The following KCP variants were observed in gnomAD, a reference collection of about 807,000 sequenced individuals.
KCP encodes the protein kielin cysteine rich BMP regulator, also known as kielin/chordin-like protein.
KCP carries 194 observed loss-of-function variants against 212.7 expected under a neutral mutation model. That is an observed-to-expected ratio of 0.91 (90% CI 0.81 to 1.03). KCP has a LOEUF of 1.03. Among genes scored for constraint, KCP ranks in the 50% least tolerant of loss-of-function variants. The pLI is 0.00. For synonymous variants in KCP, 833 were observed against 865.3 expected, an observed-to-expected ratio of 0.96 and a Z score of 0.65; for missense variants, 2,080 against 2,162.5, an observed-to-expected ratio of 0.96 and a Z score of 0.76.
intron 1 of KCP, 144 bp from the exon 2 acceptor site, chr7:128,908,712 C>T: frequency 1.1e-6 from 1 of 900,982 alleles, no homozygotes. Flanking sequence ...CCATCCAGGG[C>T]CGGGAAGCCA....
intron 29 of KCP, 52 bp downstream of exon 29, chr7:128,883,950 G>C: frequency 6.6e-7 from 1 of 1,514,820 alleles, no homozygotes; most frequent in South Asian, 1.3e-5. Context: ...GGGCGGCAGG[G>C]GGTGGCAGCC....
intron 10 of KCP, 33 bp downstream of exon 10, chr7:128,893,943 G>C: frequency 6.5e-7 from 1 of 1,549,456 alleles, no homozygotes. Context: ...AGGCCCCGGA[G>C]CCAGGCCCTC....
chr7:128,885,637 CT>C (rs145340005), intron 26 of KCP, among the ~76,000 whole-genome samples: 28,674 of 152,228 alleles, frequency 0.19, 3,539 homozygotes, highest in Non-Finnish European at 0.27. Context: ...GTAACTCAGT[CT>C]CTCCGGGCCT....
chr7:128,890,870 G>A lies in KCP; in HGVS notation c.2164+35C>T, dbSNP rs776639560. On this transcript the variant is annotated intron_variant, in intron 20 of 39. Coordinates refer to ENST00000610776, the MANE Select transcript of KCP (RefSeq NM_001366122.1). ...CCGGGGCGGGGCGGGGCGGCAGGAC[G>A]CGGGTGGCCGGGAGGGGCACCGCCA... The A allele has an allele frequency of 1.1e-4, 136 of 1,240,252 alleles. No individual in the cohort carries two copies. In the Admixed American group the frequency reaches 2.1e-3, roughly 19 times the overall value. The allele number at this position is 1,240,252 out of a possible 1,614,324, so 76.8% of individuals were successfully genotyped here.
In KCP at chr7:128,894,065, A is replaced by AG. The variant is rs897666094; in HGVS notation, c.926-11dup. On this transcript the variant is annotated splice_polypyrimidine_tract_variant and intron_variant, in intron 9 of 39. Coordinates refer to ENST00000610776, the MANE Select transcript of KCP (RefSeq NM_001366122.1). ...CCGTTTAGGAAACAGCCTGTTGGGA[A>AG]GGGGGGCCTTAGATGTTCCTCAGGG... 18 of 1,548,338 alleles carry AG rather than the reference A, an allele frequency of 1.2e-5. No homozygotes were observed. Among genetic ancestry groups the AG allele is most frequent in the African/African-American group, 9.6e-5 (7 of 72,996 alleles).
Position 128,880,013 on chromosome 7 carries a change from A to G in KCP, c.3832T>C (p.Phe1278Leu). The G allele has an allele frequency of 1.9e-6, 3 of 1,550,074 alleles. No individual in the cohort carries two copies. The highest frequency in any genetic ancestry group is 1.7e-6 in the Non-Finnish European group (2 of 1,146,896). Residue 1278 changes from phenylalanine (F) to leucine (L), a missense_variant, in exon 35 of 40, where the codon TTC (phenylalanine) becomes CTC (leucine). Transcript: ENST00000610776. The stretch of plus-strand genomic sequence containing the variant: ...AAGGTGCGGTAATGGGGGTCTCCGA[A>G]GGCCATGCAGGAAGCGGGCCGAGGC... Reference protein sequence around the residue: ...CLPRPASCMAFGDPHYRTFDG... With the variant: ...CLPRPASCMALGDPHYRTFDG...
intron 29 of KCP, 98 bp downstream of exon 29, chr7:128,883,904 A>G: frequency 7.1e-7 from 1 of 1,401,044 alleles, no homozygotes; most frequent in Non-Finnish European, 9.5e-7. Flanking sequence ...AGTCCACTGG[A>G]GTCAGGAAGA....
chr7:128,890,419 C>G lies in KCP; in HGVS notation c.2259G>C (p.Val753=). The G allele has an allele frequency of 6.4e-7, 1 of 1,551,226 alleles. No individual in the cohort carries two copies. The highest frequency in any genetic ancestry group is 2.0e-5 in the Admixed American group (1 of 51,012). The part of the protein sequence containing the change: ...CHLCLCWEGS[V]SCEPKACAPA... ...GGGCACATGCCTTGGGCTCGCAGCT[C>G]ACGCTGCCCTCCCAGCAAAGGCAGA... The change falls in exon 21 of 40, where the codon GTG becomes GTC. Residue 753 remains valine, a synonymous_variant. Coordinates refer to ENST00000610776, the MANE Select transcript of KCP (RefSeq NM_001366122.1).
In KCP at chr7:128,891,211, G is replaced by A. The variant is rs1441361184; in HGVS notation, c.1946C>T (p.Pro649Leu). The A allele has an allele frequency of 1.9e-6, 3 of 1,544,984 alleles. No homozygotes were observed. The highest frequency in any genetic ancestry group is 1.2e-5 in the South Asian group (1 of 84,024). ...TGGGCACTGCGGGCAGCACTCTCCC[G>A]GCAGCAGGACAGGCTCTGGACAGGG... ...PLPCPEPVLL[P>L]GECCPQCPAA... Residue 649 changes from proline (P) to leucine (L), a missense_variant, in exon 19 of 40, where the codon CCG becomes CTG. Coordinates refer to ENST00000610776, the MANE Select transcript of KCP (RefSeq NM_001366122.1).
chr7:128,877,629 G>A lies in KCP; in HGVS notation c.4473C>T (p.Pro1491=). 2 of 1,551,670 alleles carry A rather than the reference G, an allele frequency of 1.3e-6. No individual in the cohort carries two copies. The highest frequency in any genetic ancestry group is 3.3e-4 in the Middle Eastern group (2 of 5,992). ...SRCHAVVPPE[P]FFAACVYDLC... is the part of the protein sequence containing the mutation. ...GGTCATACACACAGGCGGCAAAGAA[G>A]GGCTCCGGTGGCACCACAGCATGGC... Residue 1491 remains proline (P), a synonymous_variant, in exon 39 of 40, where the codon CCC becomes CCT. Coordinates refer to ENST00000610776, the MANE Select transcript of KCP (RefSeq NM_001366122.1).
intron 36 of KCP, 22 bp downstream of exon 36, chr7:128,879,696 T>C: frequency 6.5e-7 from 1 of 1,549,764 alleles, no homozygotes; most frequent in Non-Finnish European, 8.7e-7. Context: ...TCCACCTTCC[T>C]CCACTCCTCG....
At chr7:128,884,669 TG>T in intron 28 of KCP, 111 bp downstream of exon 28, 1 of 969,506 alleles carries the variant, frequency 1.0e-6, no homozygotes, top group South Asian at 1.5e-5. Context: ...TACACTCCTT[TG>T]GCCCCCAGAG....
At chr7:128,904,383 G>T in intron 5 of KCP, 1 of 1,549,482 alleles carries the variant, frequency 6.5e-7, no homozygotes, top group Middle Eastern at 1.7e-4. Flanking sequence ...GCTCCTGTCT[G>T]CAGGGCAGAC....
At chr7:128,908,599 G>T in intron 1 of KCP, 31 bp from the exon 2 acceptor site, 1 of 1,541,014 alleles carries the variant, frequency 6.5e-7, no homozygotes, top group Non-Finnish European at 8.8e-7. Flanking sequence ...ATGTGGGCCT[G>T]AGGGTGAGGG....
chr7:128,899,756 ATC>A lies in KCP; in HGVS notation c.831+3019_831+3020del, dbSNP rs372400050. On this transcript the variant is annotated intron_variant, in intron 8 of 39. Coordinates refer to ENST00000610776, the MANE Select transcript of KCP (RefSeq NM_001366122.1). ...AGCTATTTGCATGAGTGCAATAAGAATCTGTTTTCTTTTGTAACAGGTCACAA... is the reference window on the plus strand; with the variant it reads ...AGCTATTTGCATGAGTGCAATAAGAATGTTTTCTTTTGTAACAGGTCACAA... 4.0e-3 allele frequency among the ~76,000 whole-genome samples: 608 copies of A among 151,978 alleles called. 2 individuals are homozygous for A. The highest frequency in any genetic ancestry group is 0.014 in the African/African-American group (566 of 41,270).
chr7:128,908,609 G>A (rs905986363), intron 1 of KCP, 41 bp from the exon 2 acceptor site: 10 of 1,530,328 alleles, frequency 6.5e-6, no homozygotes, highest in Non-Finnish European at 8.8e-6. Context: ...GAGGGTGAGG[G>A]GCTGGCCTGG....
At position 128,892,502 on chromosome 7, in the gene KCP, G is replaced by C. The variant is rs754343518; in HGVS notation, c.1621+12C>G. On this transcript the variant is annotated intron_variant, in intron 16 of 39. Coordinates refer to ENST00000610776, the MANE Select transcript of KCP (RefSeq NM_001366122.1). ...GCCCTGATCCCCTCAGGCCCAGTGA[G>C]TGCCCACATACCTGGGCACCTGGGG... The C allele has an allele frequency of 6.6e-7, 1 of 1,505,562 alleles. No individual in the cohort carries two copies. Among genetic ancestry groups the C allele is most frequent in the Non-Finnish European group, 8.9e-7 (1 of 1,119,674 alleles). 93.3% of individuals were successfully genotyped at this position (1,505,562 alleles called of 1,614,324 possible).
chr7:128,898,169 C>T (rs1585240326), intron 8 of KCP, among the ~76,000 whole-genome samples: 1 of 152,134 alleles, frequency 6.6e-6, no homozygotes, highest in African/African-American at 2.4e-5. Flanking sequence ...CAGTCTCCTG[C>T]CTCAGCTTCC....
intron 1 of KCP, among the ~76,000 whole-genome samples, chr7:128,910,204 C>T (rs996741019): frequency 1.3e-5 from 2 of 152,246 alleles, no homozygotes; most frequent in Non-Finnish European, 2.9e-5. Context: ...CCTCCCCTGG[C>T]CCCGTGCCGG....
Sources: gnomAD v4.1 joint callset for allele counts (sites outside exome capture counted in the v4.1 genomes callset) on GRCh38, gnomAD v4.1.1 for gene constraint, MANE v1.5 for transcripts, NCBI Gene and HGNC (gene_info 2026-07-23, HGNC 2026-07-21) for gene names.